FNTB: variants seen among roughly 807,000 people sequenced by gnomAD.
The protein encoded by FNTB is protein farnesyltransferase subunit beta.
FNTB carries 27 observed loss-of-function variants against 59.4 expected under a neutral mutation model. That is an observed-to-expected ratio of 0.45 (90% CI 0.34 to 0.63). The LOEUF is 0.63. Among genes scored for constraint, FNTB ranks in the 20% least tolerant of loss-of-function variants. The probability of loss-of-function intolerance (pLI) is 0.02; values close to 1 mark genes in which losing one functional copy is unlikely to be tolerated. For missense variants in FNTB, 449 were observed against 559.6 expected (o/e 0.80, Z 1.99); for synonymous variants, 230 against 220.7 (o/e 1.04, Z -0.37).
At chr14:65,035,251 C>G (rs2062162580) in intron 7 of FNTB, among the ~76,000 whole-genome samples, 1 of 152,158 alleles carries the variant, frequency 6.6e-6, no homozygotes, top group South Asian at 2.1e-4. Flanking sequence ...ATCCTGAGGG[C>G]AAACCAGAGA....
rs541332103 is a variant in FNTB at position 65,032,840 on chromosome 14, T to A, written c.692+144T>A. On this transcript the variant is annotated intron_variant, in intron 7 of 11. Transcript: ENST00000246166. The surrounding 1 kb of genome is among the most constrained non-coding windows in gnomAD (Gnocchi z 5.0). ...CATTAGGGTTATCTAATGATTTTTT[T>A]AAATACTTAAAATGTCTTCTTTTTT... 11 of 648,120 alleles carry A rather than the reference T, an allele frequency of 1.7e-5. No homozygotes were observed. The highest frequency in any genetic ancestry group is 1.4e-4 in the South Asian group (4 of 29,566). The allele number at this position is 648,120 out of a possible 1,614,324, so 40.1% of individuals were successfully genotyped here. A position where few individuals can be genotyped will look rare whatever the true frequency, so the allele number is the denominator to read the frequency against.
chr14:65,025,467 G>A lies in FNTB; in HGVS notation c.375-1986G>A, dbSNP rs186252691. ...GGGAAATGTCATAAGAATTGATGACGATTTGGAAAGAAGGAACAAATTCAA... is the reference window on the plus strand; with the variant it reads ...GGGAAATGTCATAAGAATTGATGACAATTTGGAAAGAAGGAACAAATTCAA... On this transcript the variant is annotated intron_variant, in intron 4 of 11. Coordinates refer to ENST00000246166, the MANE Select transcript of FNTB (RefSeq NM_002028.4). 8.5e-4 allele frequency among the ~76,000 whole-genome samples: 130 copies of A among 152,252 alleles called. 1 individual carries two copies. The highest frequency in any genetic ancestry group is 3.0e-3 in the African/African-American group (123 of 41,536).
intron 1 of FNTB, 144 bp downstream of exon 1, chr14:64,987,241 G>A: frequency 1.0e-6 from 1 of 989,924 alleles, no homozygotes; most frequent in African/African-American, 1.6e-5. Flanking sequence ...GGGAAGCTCC[G>A]GGCGCCCAGG....
intron 7 of FNTB, 110 bp from the exon 8 acceptor site, chr14:65,040,680 G>T: frequency 5.4e-6 from 6 of 1,120,138 alleles, no homozygotes; most frequent in East Asian, 4.4e-5. Flanking sequence ...TAGTTGTGAT[G>T]GTTCACACCT....
chr14:65,015,625 T>C lies in FNTB; in HGVS notation c.283T>C (p.Cys95Arg). 6.2e-7 allele frequency: 1 copy of C among 1,614,066 alleles called. No individual in the cohort carries two copies. The highest frequency in any genetic ancestry group is 8.5e-7 in the Non-Finnish European group (1 of 1,180,002). The part of the protein sequence containing the change: ...GLRQLTDAYE[C>R]LDASRPWLCY... ...GTTTTCTCTCCTGTCTCTCTCCCAG[T>C]GTCTGGATGCCAGCCGCCCATGGCT... The change falls in exon 4 of 12, where the codon TGT becomes CGT. Residue 95 changes from cysteine (C) to arginine (R), a missense_variant and splice_region_variant. Physicochemically the swap from Cys to Arg is radical, Grantham distance 180. This residue lies in a region of FNTB where 337 missense variants were observed against 479.1 expected (regional missense o/e 0.70). Coordinates refer to ENST00000246166, the MANE Select transcript of FNTB (RefSeq NM_002028.4).
rs1167553139 is a variant in FNTB, at chr14:65,023,143, G to T, written c.375-4310G>T. 6.6e-6 allele frequency among the ~76,000 whole-genome samples: 1 copy of T among 152,128 alleles called. No individual in the cohort carries two copies. Among genetic ancestry groups the T allele is most frequent in the Non-Finnish European group, 1.5e-5 (1 of 68,014 alleles). ...CACAATCACAGCTCACTGCAACCTG[G>T]ACTTCCCCAAGCTCAAGTGATCCTC... On this transcript the variant is annotated intron_variant, in intron 4 of 11. Coordinates refer to ENST00000246166, the MANE Select transcript of FNTB (RefSeq NM_002028.4). This position sits in a 1 kb window ranked among gnomAD's most constrained non-coding sequence, Gnocchi z 4.1.
intron 4 of FNTB, chr14:65,021,857 G>A (rs1595040142): frequency 2.2e-6 from 1 of 446,020 alleles, no homozygotes; most frequent in Middle Eastern, 3.3e-4. Context: ...TGTTGGCCAG[G>A]CTGGTCTCAA....
intron 11 of FNTB, among the ~76,000 whole-genome samples, chr14:65,058,879 T>A (rs2062801059): frequency 6.6e-6 from 1 of 152,210 alleles, no homozygotes; most frequent in Admixed American, 6.5e-5. Flanking sequence ...TGCCTAGTAC[T>A]TTTATTTAGG....
intron 4 of FNTB, among the ~76,000 whole-genome samples, chr14:65,021,236 G>A (rs1040003944): frequency 1.3e-5 from 2 of 152,148 alleles, no homozygotes; most frequent in African/African-American, 2.4e-5. Flanking sequence ...GGAGACCATC[G>A]CACTGTTAAA....
At chr14:65,024,723 T>G (rs535901510) in intron 4 of FNTB, among the ~76,000 whole-genome samples, 1 of 152,340 alleles carries the variant, frequency 6.6e-6, no homozygotes, top group African/African-American at 2.4e-5. Flanking sequence ...TTGTAATTTT[T>G]TATTTATTGG....
At position 65,061,220 on chromosome 14, in the gene FNTB, G is replaced by A. The variant is rs199546065; in HGVS notation, c.1222G>A (p.Val408Met). ...AGTGTACAACATTGGACCAGACAAGGTGATCCAGGCCACTACATACTTTCT... is the reference window on the plus strand; with the variant it reads ...AGTGTACAACATTGGACCAGACAAGATGATCCAGGCCACTACATACTTTCT... ...HPVYNIGPDK[V>M]IQATTYFLQK... The change falls in exon 12 of 12, where the codon GTG becomes ATG. Residue 408 changes from valine to methionine, a missense_variant. Physicochemically the swap from Val to Met is conservative, Grantham distance 21. This residue lies in a region of FNTB where 337 missense variants were observed against 479.1 expected (regional missense o/e 0.70). Transcript: ENST00000246166. The A allele has an allele frequency of 3.1e-6, 5 of 1,614,152 alleles. No homozygotes were observed. The highest frequency in any genetic ancestry group is 4.2e-6 in the Non-Finnish European group (5 of 1,180,026).
rs906347426 is a variant in FNTB, at chr14:65,062,640, A to ATAAC, written c.*1329_*1332dup. ...ATTACCTCCTTGAAATAATAAAAGA[A>ATAAC]TAACATTTTCTATGATGTCTCTTAT... On this transcript the variant is annotated 3_prime_UTR_variant, in exon 12 of 12. Transcript: ENST00000246166. This position sits in a 1 kb window ranked among gnomAD's most constrained non-coding sequence, Gnocchi z 4.3. 6.6e-5 allele frequency: 10 copies of ATAAC among 152,626 alleles called. No homozygotes were observed. Among genetic ancestry groups the ATAAC allele is most frequent in the Non-Finnish European group, 1.3e-4 (9 of 68,040 alleles). The allele number at this position is 152,626 out of a possible 1,614,324, so 9.5% of individuals were successfully genotyped here. A position where few individuals can be genotyped will look rare whatever the true frequency, so the allele number is the denominator to read the frequency against.
In FNTB at chr14:64,996,895, T is replaced by TA. The variant is rs570730138; in HGVS notation, c.145-7353dup. 8.5e-5 allele frequency among the ~76,000 whole-genome samples: 13 copies of TA among 152,114 alleles called. No homozygotes were observed. The South Asian group carries it at 2.7e-3, about 32-fold the overall frequency. ...TGCCACCCTTCCCAGAAGCAGCCCT[T>TA]ATCATAAGTTGTGTGTGCATCCTTC... On this transcript the variant is annotated intron_variant, in intron 1 of 11. Coordinates refer to ENST00000246166, the MANE Select transcript of FNTB (RefSeq NM_002028.4).
intron 10 of FNTB, among the ~76,000 whole-genome samples, chr14:65,053,969 T>C (rs982575349): frequency 2.6e-5 from 4 of 152,182 alleles, no homozygotes; most frequent in African/African-American, 9.6e-5. Context: ...GTACTGCCCC[T>C]GGAGAGCCCT....
Position 65,037,743 on chromosome 14 carries a change from TA to T in FNTB, c.693-3046del, listed in dbSNP as rs2062239168. Among the ~76,000 whole-genome samples the T allele has an allele frequency of 8.8e-3, 432 of 48,930 alleles. 4 individuals carry two copies. Among genetic ancestry groups the T allele is most frequent in the African/African-American group, 0.037 (412 of 11,240 alleles). 32.1% of individuals were successfully genotyped at this position (48,930 alleles called of 152,430 possible). ...CCCAGCCTCTTATTTATTTATTTAT[TA>T]TTTATTTATTTATTTATTTATTTAT... On this transcript the variant is annotated intron_variant, in intron 7 of 11. Coordinates refer to ENST00000246166, the MANE Select transcript of FNTB (RefSeq NM_002028.4).
Position 65,052,352 on chromosome 14 carries a change from T to G in FNTB, c.956-886T>G, listed in dbSNP as rs576088153. Among the ~76,000 whole-genome samples, 9 of 152,344 alleles carry G rather than the reference T, an allele frequency of 5.9e-5. No homozygotes were observed. In the East Asian group the frequency reaches 1.7e-3, roughly 29 times the overall value. On this transcript the variant is annotated intron_variant, in intron 9 of 11. Transcript: ENST00000246166. The stretch of plus-strand genomic sequence containing the variant: ...GAAGAAAGAACAATTAGCTTTCAGG[T>G]GCCATTTACCAATTGTTGGGCATCT...
At chr14:65,006,365 C>G in intron 2 of FNTB, 1 of 1,574,236 alleles carries the variant, frequency 6.4e-7, no homozygotes, top group Non-Finnish European at 8.6e-7. Flanking sequence ...CTGCATTAAC[C>G]CAATGCTCTG....
Position 64,990,834 on chromosome 14 carries a change from C to T in FNTB, c.144+3737C>T, listed in dbSNP as rs1057462488. On this transcript the variant is annotated intron_variant, in intron 1 of 11. Coordinates refer to ENST00000246166, the MANE Select transcript of FNTB (RefSeq NM_002028.4). This position sits in a 1 kb window ranked among gnomAD's most constrained non-coding sequence, Gnocchi z 5.2. ...TTGCAGTATCCTGGGAGAGAGGTGA[C>T]GGTGGCTTAGCTCACAGTGACGGTA... Among the ~76,000 whole-genome samples the T allele has an allele frequency of 5.3e-5, 8 of 152,106 alleles. No individual in the cohort carries two copies. Among genetic ancestry groups the T allele is most frequent in the Admixed American group, 2.0e-4 (3 of 15,270 alleles).
Position 65,061,218 on chromosome 14 carries a change from A to C in FNTB, c.1220A>C (p.Lys407Thr). The change falls in exon 12 of 12, where the codon AAG (lysine) becomes ACG (threonine). Residue 407 changes from lysine to threonine, a missense_variant. By Grantham distance (78) the Lys-to-Thr change is moderately conservative. Around this residue, in one of 2 missense-constraint regions of FNTB, gnomAD observed 337 missense variants for 479.1 expected, o/e 0.70. Transcript: ENST00000246166. ...CCAGTGTACAACATTGGACCAGACA[A>C]GGTGATCCAGGCCACTACATACTTT... is the stretch of plus-strand genomic sequence containing the variant. Reference protein sequence around the residue: ...THPVYNIGPDKVIQATTYFLQ... With the variant: ...THPVYNIGPDTVIQATTYFLQ... 1 of 1,614,174 alleles carries C rather than the reference A, an allele frequency of 6.2e-7. No individual in the cohort carries two copies.
Sources: allele counts gnomAD v4.1 joint callset (sites outside exome capture counted in the v4.1 genomes callset), GRCh38; gene constraint gnomAD v4.1.1; regional missense constraint gnomAD v4.1.1; non-coding constraint Gnocchi (gnomAD v3.1); transcripts MANE v1.5; gene names NCBI Gene and HGNC (gene_info 2026-07-23, HGNC 2026-07-21).